Variants in ITGA6 observed in about 807,000 individuals in gnomAD.
ITGA6 encodes integrin subunit alpha 6, also known as integrin alpha-6.
Under a neutral mutation model 133.6 loss-of-function variants are expected in ITGA6, and 63 were observed. The ratio of observed to expected loss-of-function variants is 0.47; its 90% confidence interval spans 0.38 to 0.58. The LOEUF is 0.58. ITGA6 is among the 20% of genes least tolerant of loss of function. The pLI is 0.00. For missense variants in ITGA6, 1,068 were observed against 1,309.4 expected (o/e 0.82, Z 2.85); for synonymous variants, 434 against 482.0 (o/e 0.90, Z 1.30).
intron 1 of ITGA6, among the ~76,000 whole-genome samples, chr2:172,462,670 G>T (rs542453883): frequency 6.6e-6 from 1 of 152,320 alleles, no homozygotes; most frequent in South Asian, 2.1e-4. Flanking sequence ...TGGAGAACAA[G>T]TGGCAGATAG....
chr2:172,449,785 G>T (rs1684908256), intron 1 of ITGA6, among the ~76,000 whole-genome samples: 1 of 152,072 alleles, frequency 6.6e-6, no homozygotes, highest in Non-Finnish European at 1.5e-5. Context: ...GCCCGGCATG[G>T]TGGCACATGC....
At chr2:172,472,635 T>A in intron 5 of ITGA6, 1 of 621,796 alleles carries the variant, frequency 1.6e-6, no homozygotes, top group East Asian at 2.8e-5. Context: ...TGCTTGAGGT[T>A]TTGGAAGCTG....
At chr2:172,463,949 C>T (rs937254078) in intron 1 of ITGA6, among the ~76,000 whole-genome samples, 4 of 152,238 alleles carry the variant, frequency 2.6e-5, no homozygotes, top group Non-Finnish European at 4.4e-5. Context: ...GGCCTTGCCT[C>T]TGTCCTCTGT....
Position 172,461,113 on chromosome 2 carries a change from G to A in ITGA6, c.183-4426G>A, listed in dbSNP as rs13430324. On this transcript the variant is annotated intron_variant, in intron 1 of 25. Transcript: ENST00000684293. ...ATAACCTTGTGTTCATAGCATGATA[G>A]TGAGTCCTGAGTCTCTGTGCCCAGA... Among the ~76,000 whole-genome samples, 1,279 of 152,322 alleles carry A rather than the reference G, an allele frequency of 8.4e-3. 22 individuals carry two copies. The highest frequency in any genetic ancestry group is 0.028 in the African/African-American group (1,173 of 41,574).
intron 19 of ITGA6, among the ~76,000 whole-genome samples, chr2:172,488,713 T>C (rs1686794817): frequency 6.6e-6 from 1 of 152,214 alleles, no homozygotes; most frequent in Non-Finnish European, 1.5e-5. Context: ...GGTTTAGGTC[T>C]GTGTGGCTGA....
At chr2:172,446,303 G>A (rs1684765482) in intron 1 of ITGA6, among the ~76,000 whole-genome samples, 1 of 152,148 alleles carries the variant, frequency 6.6e-6, no homozygotes, top group Admixed American at 6.5e-5. Flanking sequence ...GAAAAATGAT[G>A]GAATTTAAAG....
At chr2:172,482,442 A>G (rs1366638329) in intron 11 of ITGA6, among the ~76,000 whole-genome samples, 1 of 152,192 alleles carries the variant, frequency 6.6e-6, no homozygotes, top group East Asian at 1.9e-4. Context: ...TTCCATACAT[A>G]TAGATATCTA....
At chr2:172,475,486 G>A in intron 7 of ITGA6, 111 bp from the exon 8 acceptor site, 2 of 786,364 alleles carry the variant, frequency 2.5e-6, no homozygotes, top group Non-Finnish European at 4.5e-6. Context: ...AAAAAACCCC[G>A]AAAAAGCCAA....
At chr2:172,427,993 C>A in intron 1 of ITGA6, 23 bp downstream of exon 1, 2 of 1,590,900 alleles carry the variant, frequency 1.3e-6, no homozygotes, top group Non-Finnish European at 1.7e-6. Flanking sequence ...ACCCTTCCCA[C>A]CCCCACTGGG....
At position 172,468,062 on chromosome 2, in the gene ITGA6, T is replaced by A. The variant is rs933774692; in HGVS notation, c.387+502T>A. On this transcript the variant is annotated intron_variant, in intron 3 of 25. Transcript: ENST00000684293. ...CTACTTTTCTTTAGAACTTTCAGATTTAAATAACTTATTAAAGAACCTTTA... is the reference window on the plus strand; with the variant it reads ...CTACTTTTCTTTAGAACTTTCAGATATAAATAACTTATTAAAGAACCTTTA... 2.6e-5 allele frequency among the ~76,000 whole-genome samples: 4 copies of A among 152,242 alleles called. No individual in the cohort carries two copies. The South Asian group carries it at 8.3e-4, about 32-fold the overall frequency.
At chr2:172,483,303 A>G (rs1166072587) in intron 11 of ITGA6, among the ~76,000 whole-genome samples, 4 of 152,178 alleles carry the variant, frequency 2.6e-5, no homozygotes, top group African/African-American at 9.7e-5. Context: ...GTAGAAAGCA[A>G]TCGCCTTTTG....
chr2:172,428,612 T>C (rs1393392962), intron 1 of ITGA6: 1 of 149,068 alleles, frequency 6.7e-6, no homozygotes, highest in East Asian at 2.0e-4. Context: ...CTGGACTAGA[T>C]CAGCTGAGAA....
At chr2:172,441,399 A>G (rs1684531297) in intron 1 of ITGA6, among the ~76,000 whole-genome samples, 1 of 151,960 alleles carries the variant, frequency 6.6e-6, no homozygotes, top group Non-Finnish European at 1.5e-5. Flanking sequence ...ATGCTTTAAA[A>G]TAAATCTAAA....
chr2:172,428,541 CT>C (rs1330852046), intron 1 of ITGA6: 2 of 91,308 alleles, frequency 2.2e-5, no homozygotes, highest in East Asian at 1.3e-3. Context: ...TTTTACATGC[CT>C]TTGAAAAAAA....
At chr2:172,493,568 T>C (rs1367925209) in intron 23 of ITGA6, among the ~76,000 whole-genome samples, 1 of 152,086 alleles carries the variant, frequency 6.6e-6, no homozygotes, top group African/African-American at 2.4e-5. Flanking sequence ...ATTGTACTCA[T>C]TTTACAAACA....
chr2:172,442,483 T>C (rs1340273044), intron 1 of ITGA6, among the ~76,000 whole-genome samples: 1 of 152,132 alleles, frequency 6.6e-6, no homozygotes, highest in Admixed American at 6.5e-5. Flanking sequence ...AGCTGAAAGG[T>C]TCCCCTGAAT....
At chr2:172,451,790 G>A (rs1395089586) in intron 1 of ITGA6, among the ~76,000 whole-genome samples, 1 of 152,032 alleles carries the variant, frequency 6.6e-6, no homozygotes, top group Non-Finnish European at 1.5e-5. Context: ...CCTTGCTGTC[G>A]TGATCGACCC....
chr2:172,486,376 T>C (rs16860538), intron 13 of ITGA6, among the ~76,000 whole-genome samples: 8,175 of 152,126 alleles, frequency 0.054, 599 homozygotes, highest in African/African-American at 0.17. Context: ...TTTATGTACT[T>C]TTATTATTAT....
At chr2:172,489,765 T>C (rs1686843554) in intron 20 of ITGA6, 107 bp downstream of exon 20, 3 of 1,049,514 alleles carry the variant, frequency 2.9e-6, no homozygotes, top group Non-Finnish European at 4.3e-6. Context: ...TTCTGGCAGG[T>C]TGACTTTCTC....
Sources: allele counts gnomAD v4.1 joint callset (sites outside exome capture counted in the v4.1 genomes callset), GRCh38; gene constraint gnomAD v4.1.1; transcripts MANE v1.5; gene names NCBI Gene and HGNC (gene_info 2026-07-23, HGNC 2026-07-21).